GPHN: variants seen among roughly 807,000 people sequenced by gnomAD.
The protein encoded by GPHN is gephyrin.
In GPHN, 17 loss-of-function variants were observed where a neutral mutation model predicts 95.5. That is an observed-to-expected ratio of 0.18 (90% CI 0.12 to 0.27). The LOEUF (loss-of-function observed/expected upper bound fraction) is 0.27. Ranked by LOEUF, GPHN falls within the 10% of genes least tolerant of loss-of-function variation. The pLI, the probability that GPHN is intolerant of heterozygous loss-of-function variation, is 1.00. For missense variants in GPHN, 660 were observed against 978.1 expected, an observed-to-expected ratio of 0.67 and a Z score of 4.34; for synonymous variants, 320 against 322.5, an observed-to-expected ratio of 0.99 and a Z score of 0.08.
intron 1 of GPHN, among the ~76,000 whole-genome samples, chr14:66,572,164 T>G (rs1327532158): frequency 6.6e-6 from 1 of 152,192 alleles, no homozygotes; most frequent in East Asian, 1.9e-4. Context: ...GTAGGCTTGT[T>G]GGAGATTTTC....
intron 4 of GPHN, among the ~76,000 whole-genome samples, chr14:66,876,498 C>T (rs1444928893): frequency 6.6e-6 from 1 of 152,176 alleles, no homozygotes; most frequent in Non-Finnish European, 1.5e-5. Context: ...AGATAGAACA[C>T]TAGCCAGACT....
chr14:66,556,476 G>T (rs2060011834), intron 1 of GPHN, among the ~76,000 whole-genome samples: 2 of 152,126 alleles, frequency 1.3e-5, no homozygotes, highest in South Asian at 2.1e-4. Context: ...CTTGGTTCCT[G>T]CCAAAGAGGT....
chr14:67,666,061 A>G, the GPHN span, among the ~76,000 whole-genome samples: 3 of 152,210 alleles, frequency 2.0e-5, no homozygotes, highest in Non-Finnish European at 4.4e-5. Flanking sequence ...CTGTCCCAAA[A>G]GTGCTGAGCA....
At chr14:66,662,919 A>C (rs1382575449) in intron 1 of GPHN, among the ~76,000 whole-genome samples, 1 of 152,212 alleles carries the variant, frequency 6.6e-6, no homozygotes. Context: ...GGCATACAGG[A>C]ATAGAGAAAA....
the GPHN span, among the ~76,000 whole-genome samples, chr14:67,370,568 G>A: frequency 6.6e-6 from 1 of 152,128 alleles, no homozygotes; most frequent in African/African-American, 2.4e-5. Context: ...GCTAATAAGG[G>A]AATATCATTA....
the GPHN span, among the ~76,000 whole-genome samples, chr14:67,426,174 A>G: frequency 6.6e-6 from 1 of 152,110 alleles, no homozygotes; most frequent in Non-Finnish European, 1.5e-5. Context: ...CTCTCAGATT[A>G]CCTTTTCCTG....
the GPHN span, chr14:67,691,431 A>G: frequency 4.9e-5 from 26 of 531,636 alleles, no homozygotes; most frequent in African/African-American, 4.8e-4. Context: ...TACTTTTACT[A>G]TGGGGCAGAA....
the GPHN span, chr14:67,383,266 TGTATA>T: frequency 1.3e-6 from 2 of 1,582,364 alleles, no homozygotes; most frequent in South Asian, 2.3e-5. Flanking sequence ...AAATTAAATT[TGTATA>T]GTATTTACTA....
chr14:67,727,468 G>T, the GPHN span: 2 of 394,534 alleles, frequency 5.1e-6, no homozygotes, highest in Admixed American at 4.1e-5. Context: ...AACAGACAGA[G>T]GCTTTTTGTT....
At chr14:67,128,295 C>T (rs1296406662) in intron 17 of GPHN, among the ~76,000 whole-genome samples, 3 of 150,554 alleles carry the variant, frequency 2.0e-5, no homozygotes, top group South Asian at 2.1e-4. Context: ...CTCGCTCTGT[C>T]GCCCAGGCTG....
intron 1 of GPHN, among the ~76,000 whole-genome samples, chr14:66,517,571 A>G (rs2058299582): frequency 1.3e-5 from 2 of 152,372 alleles, no homozygotes; most frequent in South Asian, 4.1e-4. Context: ...CCAAAACAGC[A>G]TGGTACTGGT....
intron 5 of GPHN, among the ~76,000 whole-genome samples, chr14:66,880,283 C>T (rs1305807300): frequency 6.6e-6 from 1 of 151,842 alleles, no homozygotes; most frequent in Non-Finnish European, 1.5e-5. Context: ...CTTAAGTTTG[C>T]CCCTTTTTTT....
At chr14:66,928,809 G>T (rs979425388) in intron 8 of GPHN, among the ~76,000 whole-genome samples, 2 of 151,948 alleles carry the variant, frequency 1.3e-5, no homozygotes, top group African/African-American at 2.4e-5. Flanking sequence ...TTTAATTTCC[G>T]TATGTTTGTA....
At chr14:67,554,012 G>A in the GPHN span, among the ~76,000 whole-genome samples, 30 of 152,282 alleles carry the variant, frequency 2.0e-4, no homozygotes, top group Non-Finnish European at 5.9e-5. Context: ...GTCCCATATG[G>A]GTTGTAAGTC....
chr14:67,397,707 A>G, the GPHN span: 2 of 1,613,622 alleles, frequency 1.2e-6, no homozygotes, highest in Non-Finnish European at 1.7e-6. Context: ...TGGTGCAGCC[A>G]TCCAGGAGGA....
rs920592243 is a variant in GPHN, at chr14:67,157,552, G to A, written c.1837-1863G>A. On this transcript the variant is annotated intron_variant, in intron 18 of 22. Transcript: ENST00000478722. ...ATAGCTTAAGAAACTGGCCAGATGCGGTTGTTCACACCTGTAATTCCAACA... is the reference window on the plus strand; with the variant it reads ...ATAGCTTAAGAAACTGGCCAGATGCAGTTGTTCACACCTGTAATTCCAACA... Among the ~76,000 whole-genome samples the A allele has an allele frequency of 9.2e-5, 14 of 152,260 alleles. No individual in the cohort carries two copies. The South Asian group carries it at 1.5e-3, about 16-fold the overall frequency.
chr14:67,446,682 G>A, the GPHN span, among the ~76,000 whole-genome samples: 7 of 152,226 alleles, frequency 4.6e-5, no homozygotes, highest in African/African-American at 1.4e-4. Flanking sequence ...GAGCAGGGAG[G>A]GAGAGCCACT....
At chr14:67,427,021 A>C in the GPHN span, among the ~76,000 whole-genome samples, 1 of 152,144 alleles carries the variant, frequency 6.6e-6, no homozygotes, top group Admixed American at 6.5e-5. Flanking sequence ...TAGATGAGCC[A>C]AAGCAATGGG....
chr14:66,622,789 G>T (rs2063361257), intron 1 of GPHN, among the ~76,000 whole-genome samples: 1 of 152,064 alleles, frequency 6.6e-6, no homozygotes, highest in Non-Finnish European at 1.5e-5. Context: ...GACCACCTCA[G>T]CCTGTACCTT....
Sources: allele counts gnomAD v4.1 joint callset (sites outside exome capture counted in the v4.1 genomes callset), GRCh38; gene constraint gnomAD v4.1.1; transcripts MANE v1.5; gene names NCBI Gene and HGNC (gene_info 2026-07-23, HGNC 2026-07-21).